Variants in GTF2F2 observed in about 807,000 individuals in gnomAD.
The protein encoded by GTF2F2 is ATP-dependent helicase GTF2F2.
GTF2F2 carries 23 observed loss-of-function variants against 42.2 expected under a neutral mutation model. The observed-to-expected ratio is 0.55, with a 90% CI of 0.39 to 0.77. GTF2F2 has a LOEUF of 0.77. GTF2F2 is among the 30% of genes least tolerant of loss of function. The pLI is 0.00. For synonymous variants in GTF2F2, 105 were observed against 100.8 expected (o/e 1.04, Z -0.25); for missense variants, 261 against 287.2 (o/e 0.91, Z 0.66).
intron 4 of GTF2F2, among the ~76,000 whole-genome samples, chr13:45,196,602 A>G (rs982628854): frequency 6.6e-6 from 1 of 152,212 alleles, no homozygotes; most frequent in Non-Finnish European, 1.5e-5. Flanking sequence ...ATTTATAGGT[A>G]TAGTCCTCTT....
chr13:45,241,190 T>A (rs1875284630), intron 5 of GTF2F2, among the ~76,000 whole-genome samples: 1 of 149,228 alleles, frequency 6.7e-6, no homozygotes. Flanking sequence ...ATAAAATATA[T>A]ATATATATAT....
Position 45,227,465 on chromosome 13 carries a change from C to T in GTF2F2, c.386+19960C>T, listed in dbSNP as rs768003040. ...TAAGAATAGCAAATGATTTCACAGA[C>T]ATATACATATGTGAAAACATCAAAT... On this transcript the variant is annotated intron_variant, in intron 5 of 7. Transcript: ENST00000340473. Among the ~76,000 whole-genome samples the T allele has an allele frequency of 7.5e-4, 114 of 152,178 alleles. 1 individual carries two copies. The highest frequency in any genetic ancestry group is 6.2e-4 in the South Asian group (3 of 4,836).
chr13:45,147,349 C>A (rs1835976320), intron 2 of GTF2F2, among the ~76,000 whole-genome samples: 1 of 152,162 alleles, frequency 6.6e-6, no homozygotes, highest in Admixed American at 6.5e-5. Context: ...ATGGAAGTGT[C>A]TTCTGCATCT....
rs566540456 is a variant in GTF2F2 at position 45,249,661 on chromosome 13, A to T, written c.387-3210A>T. Among the ~76,000 whole-genome samples the T allele has an allele frequency of 1.3e-5, 2 of 152,326 alleles. 1 individual carries two copies. The highest frequency in any genetic ancestry group is 4.1e-4 in the South Asian group (2 of 4,830). ...GTGAAGTAATGGGAACAATCATTTA[A>T]TATGGAAGGAAGGAGCTAGTGCATG... On this transcript the variant is annotated intron_variant, in intron 5 of 7. Coordinates refer to ENST00000340473, the MANE Select transcript of GTF2F2 (RefSeq NM_004128.3).
rs539886664 is a variant in GTF2F2, at chr13:45,194,491, T to C, written c.305-12933T>C. 5.6e-6 allele frequency: 9 copies of C among 1,614,184 alleles called. No individual in the cohort carries two copies. In the East Asian group the frequency reaches 1.8e-4, roughly 32 times the overall value. ...CAGTGTGGATTTGCAGTTCTTTCCTTGATCAGTATCTTCCAGGCTGTTGTG... is the reference window on the plus strand; with the variant it reads ...CAGTGTGGATTTGCAGTTCTTTCCTCGATCAGTATCTTCCAGGCTGTTGTG... On this transcript the variant is annotated intron_variant, in intron 4 of 7. Coordinates refer to ENST00000340473, the MANE Select transcript of GTF2F2 (RefSeq NM_004128.3).
chr13:45,207,356 A>G (rs569339170), intron 4 of GTF2F2, 68 bp from the exon 5 acceptor site: 162 of 863,440 alleles, frequency 1.9e-4, no homozygotes, highest in South Asian at 9.9e-4. Context: ...TACTGTGTTT[A>G]GTGTGTCAAA....
chr13:45,151,518 C>G (rs1351887058), intron 3 of GTF2F2, among the ~76,000 whole-genome samples, 169 bp from the exon 4 acceptor site: 1 of 151,882 alleles, frequency 6.6e-6, no homozygotes, highest in Admixed American at 6.6e-5. Flanking sequence ...ACCAATGTGT[C>G]CAGTTTATAT....
intron 1 of GTF2F2, among the ~76,000 whole-genome samples, chr13:45,133,922 C>A (rs963489613): frequency 1.3e-5 from 2 of 152,152 alleles, no homozygotes; most frequent in African/African-American, 4.8e-5. Context: ...CCTGTATACA[C>A]CCCATGGTCT....
chr13:45,279,259 TA>T (rs548151162), intron 7 of GTF2F2, among the ~76,000 whole-genome samples: 22 of 152,348 alleles, frequency 1.4e-4, no homozygotes, highest in African/African-American at 4.6e-4. Context: ...ATATGAATGT[TA>T]AAAAGAGAAA....
At chr13:45,253,121 T>A in intron 6 of GTF2F2, 151 bp downstream of exon 6, 1 of 450,604 alleles carries the variant, frequency 2.2e-6, no homozygotes, top group Non-Finnish European at 3.9e-6. Context: ...GTAAGGAATA[T>A]GACAATTTGC....
chr13:45,163,999 C>G (rs1230272504), intron 4 of GTF2F2, among the ~76,000 whole-genome samples: 2 of 152,118 alleles, frequency 1.3e-5, no homozygotes, highest in African/African-American at 4.8e-5. Flanking sequence ...ACTGAAAATA[C>G]AAAAATTAGC....
At chr13:45,208,917 A>C (rs1484408080) in intron 5 of GTF2F2, among the ~76,000 whole-genome samples, 10 of 152,190 alleles carry the variant, frequency 6.6e-5, no homozygotes, top group Admixed American at 6.5e-4. Context: ...TATAGTAGTA[A>C]ATTTTTGAAG....
intron 5 of GTF2F2, among the ~76,000 whole-genome samples, chr13:45,251,030 A>G (rs182345775): frequency 7.7e-4 from 118 of 152,366 alleles, no homozygotes; most frequent in Admixed American, 2.2e-3. Context: ...GCATGGATTT[A>G]TATGTAACTG....
chr13:45,132,889 T>C (rs189776470), intron 1 of GTF2F2, among the ~76,000 whole-genome samples: 6 of 152,224 alleles, frequency 3.9e-5, no homozygotes, highest in Non-Finnish European at 2.9e-5. Context: ...AGTGAGGGAC[T>C]GAATTGACTA....
intron 5 of GTF2F2, among the ~76,000 whole-genome samples, chr13:45,228,669 C>T (rs1430203721): frequency 1.2e-4 from 13 of 108,282 alleles, no homozygotes; most frequent in African/African-American, 2.4e-4. Context: ...CAGAGTTAAT[C>T]TTTTTTTTTT....
intron 1 of GTF2F2, among the ~76,000 whole-genome samples, chr13:45,131,958 G>T (rs1254110700): frequency 6.6e-6 from 1 of 151,470 alleles, no homozygotes; most frequent in Admixed American, 6.6e-5. Flanking sequence ...CAGACACTGG[G>T]TGGGAAGGAT....
At chr13:45,240,618 A>G (rs1875241097) in intron 5 of GTF2F2, among the ~76,000 whole-genome samples, 1 of 152,110 alleles carries the variant, frequency 6.6e-6, no homozygotes, top group African/African-American at 2.4e-5. Flanking sequence ...ACCTGAGGTC[A>G]GGAGTTTGAG....
chr13:45,260,186 C>T (rs1338643388), intron 6 of GTF2F2, among the ~76,000 whole-genome samples: 1 of 152,138 alleles, frequency 6.6e-6, no homozygotes, highest in Non-Finnish European at 1.5e-5. Context: ...TGTTAGTCTG[C>T]AGAACTAAGA....
intron 4 of GTF2F2, chr13:45,193,726 T>A (rs1872747621): frequency 6.8e-7 from 1 of 1,470,514 alleles, no homozygotes; most frequent in Non-Finnish European, 9.2e-7. Flanking sequence ...ATGTCTTTGA[T>A]GCTGTGGTTT....
Sources: gnomAD v4.1 joint callset for allele counts (sites outside exome capture counted in the v4.1 genomes callset) on GRCh38, gnomAD v4.1.1 for gene constraint, MANE v1.5 for transcripts, NCBI Gene and HGNC (gene_info 2026-07-23, HGNC 2026-07-21) for gene names.